Variants in PCDH15 observed in about 807,000 individuals in gnomAD.
PCDH15 encodes protocadherin-15.
In PCDH15, 129 loss-of-function variants were observed where a neutral mutation model predicts 178.5. The observed-to-expected ratio is 0.72, with a 90% confidence interval of 0.63 to 0.84. The LOEUF is 0.84. Among genes scored for constraint, PCDH15 ranks in the 40% least tolerant of loss-of-function variants. The probability of loss-of-function intolerance (pLI) is 0.00; values close to 1 mark genes in which losing one functional copy is unlikely to be tolerated. For synonymous variants in PCDH15, 800 were observed against 732.0 expected, an observed-to-expected ratio of 1.09 and a Z score of -1.50; for missense variants, 2,230 against 2,099.9, an observed-to-expected ratio of 1.06 and a Z score of -1.21.
At chr10:54,672,430 T>A (rs939408108) in intron 1 of PCDH15, among the ~76,000 whole-genome samples, 1 of 152,092 alleles carries the variant, frequency 6.6e-6, no homozygotes, top group Admixed American at 6.6e-5. Flanking sequence ...TAACAAGATA[T>A]CACTTTATTG....
At chr10:54,655,426 GGGGTGTGT>G (rs1296611101) in intron 2 of PCDH15, 7 of 122,008 alleles carry the variant, frequency 5.7e-5, no homozygotes, top group Non-Finnish European at 8.4e-5. Context: ...TGTGTGTGGT[GGGGTGTGT>G]GTGTGTGTGT....
chr10:54,296,031 G>A lies in PCDH15; in HGVS notation c.876+21240C>T, dbSNP rs1164663415. Among the ~76,000 whole-genome samples, 4 of 148,916 alleles carry A rather than the reference G, an allele frequency of 2.7e-5. No homozygotes were observed. The East Asian group carries it at 7.9e-4, about 30-fold the overall frequency. On this transcript the variant is annotated intron_variant, in intron 8 of 37. Coordinates refer to ENST00000644397, the MANE Select transcript of PCDH15 (RefSeq NM_001384140.1). Reference sequence around the variant, plus strand: ...GTAGTGGCGGGCGCCTGTGGTCCCAGCTACTTGGGAGGCTGAGGCAGGAGA... The same window carrying A: ...GTAGTGGCGGGCGCCTGTGGTCCCAACTACTTGGGAGGCTGAGGCAGGAGA...
chr10:55,266,267 A>G (rs917949737), intron 1 of PCDH15, among the ~76,000 whole-genome samples: 7 of 152,044 alleles, frequency 4.6e-5, no homozygotes, highest in African/African-American at 7.2e-5. Context: ...GGAGCCTTGG[A>G]TGATAGCTCC....
intron 2 of PCDH15, among the ~76,000 whole-genome samples, chr10:55,501,493 T>A (rs1159457412): frequency 6.6e-6 from 1 of 151,738 alleles, no homozygotes; most frequent in Non-Finnish European, 1.5e-5. Flanking sequence ...ATTAATTTTA[T>A]CTGTAATAAG....
At chr10:55,060,297 A>G (rs1449389110) in intron 2 of PCDH15, among the ~76,000 whole-genome samples, 1 of 152,110 alleles carries the variant, frequency 6.6e-6, no homozygotes, top group African/African-American at 2.4e-5. Flanking sequence ...TATTGATATT[A>G]TTAATCAAAT....
intron 15 of PCDH15, among the ~76,000 whole-genome samples, chr10:54,127,336 G>C (rs996005704): frequency 1.3e-5 from 2 of 152,130 alleles, no homozygotes; most frequent in Admixed American, 1.3e-4. Flanking sequence ...GGATGACCTC[G>C]CCAGCAGTAG....
intron 4 of PCDH15, among the ~76,000 whole-genome samples, chr10:54,376,094 CG>C (rs536033500): frequency 2.1e-3 from 324 of 151,072 alleles, no homozygotes; most frequent in Admixed American, 5.8e-3. Context: ...GGGTTTTCAC[CG>C]TGTTGGCCAG....
intron 2 of PCDH15, among the ~76,000 whole-genome samples, chr10:55,474,319 T>C (rs768108178): frequency 3.9e-5 from 6 of 152,200 alleles, no homozygotes; most frequent in African/African-American, 7.2e-5. Context: ...GAGCAGAAAG[T>C]AGCATCATTT....
chr10:54,625,863 G>A (rs2134559975), intron 2 of PCDH15, among the ~76,000 whole-genome samples: 1 of 152,228 alleles, frequency 6.6e-6, no homozygotes, highest in Admixed American at 6.5e-5. Flanking sequence ...AAGAAGAGAG[G>A]AAAATGTAGG....
chr10:54,729,330 A>G (rs765373056), intron 1 of PCDH15, among the ~76,000 whole-genome samples: 11 of 151,660 alleles, frequency 7.3e-5, no homozygotes, highest in Non-Finnish European at 1.2e-4. Flanking sequence ...ACAACTCCCT[A>G]TTCAATAAAT....
chr10:55,483,964 G>A (rs751786500), intron 2 of PCDH15, among the ~76,000 whole-genome samples: 14 of 151,698 alleles, frequency 9.2e-5, no homozygotes, highest in African/African-American at 1.5e-4. Context: ...GGAATAATAC[G>A]CATACATAAA....
chr10:55,082,214 A>G (rs1842058526), intron 2 of PCDH15, among the ~76,000 whole-genome samples: 1 of 152,216 alleles, frequency 6.6e-6, no homozygotes, highest in East Asian at 1.9e-4. Context: ...AAATTATATC[A>G]AGTATCTTCT....
rs578179980 is a variant in PCDH15 at position 54,860,137 on chromosome 10, G to C, written c.-29+37313C>G. 7.9e-5 allele frequency among the ~76,000 whole-genome samples: 12 copies of C among 152,084 alleles called. No individual in the cohort carries two copies. In the East Asian group the frequency reaches 1.9e-3, roughly 25 times the overall value. On this transcript the variant is annotated intron_variant, in intron 3 of 5. Transcript: ENST00000458638. ...TATTCTTTTCTTTCCTTGTTCTACT[G>C]AGTTTTTTAAAAATGCAACTTTTAT...
intron 2 of PCDH15, among the ~76,000 whole-genome samples, chr10:55,348,154 T>A (rs1844813308): frequency 6.6e-6 from 1 of 152,168 alleles, no homozygotes; most frequent in Non-Finnish European, 1.5e-5. Flanking sequence ...CATGCTTCCC[T>A]TTCCAATATT....
At chr10:54,570,465 G>C (rs2089655003) in intron 2 of PCDH15, among the ~76,000 whole-genome samples, 1 of 151,988 alleles carries the variant, frequency 6.6e-6, no homozygotes. Flanking sequence ...CAAATGTCTT[G>C]ATTAACTTTT....
rs571884367 is a variant in PCDH15 at position 54,915,769 on chromosome 10, G to C, written c.-79-18269C>G. On this transcript the variant is annotated intron_variant, in intron 2 of 5. Transcript: ENST00000458638. ...AGAATATTTCATTCCCATTCTGTAAGATTCTAAATAATTATTCAAAGTACA... is the reference window on the plus strand; with the variant it reads ...AGAATATTTCATTCCCATTCTGTAACATTCTAAATAATTATTCAAAGTACA... Among the ~76,000 whole-genome samples, 6 of 152,262 alleles carry C rather than the reference G, an allele frequency of 3.9e-5. No individual in the cohort carries two copies. In the South Asian group the frequency reaches 1.2e-3, roughly 32 times the overall value.
At chr10:54,321,306 G>C (rs994220428) in intron 7 of PCDH15, among the ~76,000 whole-genome samples, 4 of 150,064 alleles carry the variant, frequency 2.7e-5, no homozygotes, top group Non-Finnish European at 5.9e-5. Flanking sequence ...TAGGACTATA[G>C]GTATGTGCCT....
At chr10:55,222,386 A>G (rs1191095423) in intron 1 of PCDH15, among the ~76,000 whole-genome samples, 5 of 151,894 alleles carry the variant, frequency 3.3e-5, no homozygotes, top group African/African-American at 1.2e-4. Flanking sequence ...AATACATGTC[A>G]AACTTTGTGT....
chr10:54,705,598 T>C (rs1371996109), intron 1 of PCDH15, among the ~76,000 whole-genome samples: 1 of 152,152 alleles, frequency 6.6e-6, no homozygotes, highest in Non-Finnish European at 1.5e-5. Flanking sequence ...ATGACATAAG[T>C]GACCATAGCA....
Sources: allele counts gnomAD v4.1 joint callset (sites outside exome capture counted in the v4.1 genomes callset), GRCh38; gene constraint gnomAD v4.1.1; transcripts MANE v1.5; gene names NCBI Gene and HGNC (gene_info 2026-07-23, HGNC 2026-07-21).